The following SIN3B variants were observed in gnomAD, a reference collection of about 807,000 sequenced individuals.
SIN3B encodes paired amphipathic helix protein Sin3b.
In SIN3B, 19 loss-of-function variants were observed where a neutral mutation model predicts 120.2. The observed-to-expected ratio is 0.16, with a 90% CI of 0.11 to 0.23. SIN3B has a LOEUF of 0.23. SIN3B is among the 10% of genes least tolerant of loss of function. The probability of loss-of-function intolerance (pLI) is 1.00; values close to 1 mark genes in which losing one functional copy is unlikely to be tolerated. For missense variants in SIN3B, 1,073 were observed against 1,573.0 expected, an observed-to-expected ratio of 0.68 and a Z score of 5.38; for synonymous variants, 654 against 653.2, an observed-to-expected ratio of 1.00 and a Z score of -0.02.
chr19:16,830,119 G>C lies in SIN3B; in HGVS notation c.227+222G>C, dbSNP rs138307606. ...ATTCCTGGAAGCAGGACAGGGATCT[G>C]GGGGGAGGCAGGGAGGGCGAGGCCG... On this transcript the variant is annotated intron_variant, in intron 2 of 18. Coordinates refer to ENST00000248054, the MANE Select transcript of SIN3B (RefSeq NM_001297595.2). 4.5e-3 allele frequency among the ~76,000 whole-genome samples: 681 copies of C among 152,348 alleles called. 3 individuals are homozygous for C. Among genetic ancestry groups the C allele is most frequent in the Middle Eastern group, 0.017 (5 of 294 alleles).
chr19:16,869,130 C>T (rs1045856944), intron 12 of SIN3B, among the ~76,000 whole-genome samples: 1 of 152,136 alleles, frequency 6.6e-6, no homozygotes, highest in Non-Finnish European at 1.5e-5. Flanking sequence ...CTGGGCTGAG[C>T]GACAGACCCA....
intron 3 of SIN3B, among the ~76,000 whole-genome samples, chr19:16,839,042 C>T (rs1023543549): frequency 6.9e-5 from 9 of 130,860 alleles, no homozygotes; most frequent in Non-Finnish European, 1.1e-4. Context: ...GGTGCATTGT[C>T]GGCTCACCAC....
At position 16,841,971 on chromosome 19, in the gene SIN3B, A is replaced by G. The variant is rs375956848; in HGVS notation, c.582+3A>G. The stretch of plus-strand genomic sequence containing the variant: ...TGGAGATCCTGCACACGTACCAGGT[A>G]AGAACTCAGATTACAATTCCTTGTG... On this transcript the variant is annotated splice_donor_region_variant and intron_variant, in intron 4 of 18. Transcript: ENST00000248054. 1,022 of 1,611,446 alleles carry G rather than the reference A, an allele frequency of 6.3e-4. 2 individuals carry two copies. The highest frequency in any genetic ancestry group is 8.4e-4 in the Non-Finnish European group (984 of 1,177,914).
chr19:16,839,848 C>T (rs1178719550), intron 3 of SIN3B, among the ~76,000 whole-genome samples: 1 of 152,172 alleles, frequency 6.6e-6, no homozygotes, highest in Admixed American at 6.5e-5. Context: ...GAAACCCCAT[C>T]TCTACTAAAA....
chr19:16,854,138 T>C lies in SIN3B; in HGVS notation c.940-5T>C, dbSNP rs1425926470. On this transcript the variant is annotated splice_polypyrimidine_tract_variant and splice_region_variant and intron_variant, in intron 7 of 18. Transcript: ENST00000248054. ...CACAGTGGTCCCTGACTGCTCTCTC[T>C]GCAGGTCCGCCGGGTGCTGAAGAGC... 25 of 1,609,300 alleles carry C rather than the reference T, an allele frequency of 1.6e-5. No homozygotes were observed. The highest frequency in any genetic ancestry group is 2.1e-5 in the Non-Finnish European group (25 of 1,178,082).
chr19:16,834,587 A>G (rs1029862598), intron 3 of SIN3B, among the ~76,000 whole-genome samples: 2 of 152,186 alleles, frequency 1.3e-5, no homozygotes, highest in African/African-American at 4.8e-5. Context: ...GGCCTTGGTC[A>G]TCGTGCTGCA....
chr19:16,861,213 CA>C (rs1289374900), intron 8 of SIN3B, among the ~76,000 whole-genome samples: 1 of 152,142 alleles, frequency 6.6e-6, no homozygotes, highest in South Asian at 2.1e-4. Flanking sequence ...CAGAGATAGG[CA>C]AACTTGATCT....
At chr19:16,861,244 T>G (rs1971683659) in intron 8 of SIN3B, among the ~76,000 whole-genome samples, 1 of 152,216 alleles carries the variant, frequency 6.6e-6, no homozygotes, top group East Asian at 1.9e-4. Flanking sequence ...CAGATGGGCT[T>G]TGTGGAAATG....
At chr19:16,852,227 C>T (rs1439647164) in intron 6 of SIN3B, among the ~76,000 whole-genome samples, 6 of 152,176 alleles carry the variant, frequency 3.9e-5, no homozygotes, top group Admixed American at 2.6e-4. Flanking sequence ...CCCGGGTTCA[C>T]GCCATTGTCC....
In SIN3B at chr19:16,851,457, G is replaced by A; in HGVS notation, c.772G>A (p.Glu258Lys). ...CGAGATGCACAGCGTGCAGAAGAAC[G>A]AGCACGACAAGACCCCGGAGCACAG... ...PCEMHSVQKNEHDKTPEHSRK... is the reference protein window; with the variant it reads ...PCEMHSVQKNKHDKTPEHSRK... The change falls in exon 6 of 19, where the codon GAG becomes AAG. Residue 258 changes from glutamate (E) to lysine (K), a missense_variant. Coordinates refer to ENST00000248054, the MANE Select transcript of SIN3B (RefSeq NM_001297595.2). 2 of 1,610,002 alleles carry A rather than the reference G, an allele frequency of 1.2e-6. No individual in the cohort carries two copies. Among genetic ancestry groups the A allele is most frequent in the Non-Finnish European group, 1.7e-6 (2 of 1,178,406 alleles).
At chr19:16,851,293 G>A in intron 5 of SIN3B, 119 bp from the exon 6 acceptor site, 2 of 1,227,672 alleles carry the variant, frequency 1.6e-6, no homozygotes, top group South Asian at 1.7e-5. Context: ...ATCTGGCCTG[G>A]TGCCCGTGGC....
In SIN3B at chr19:16,851,408, T is replaced by C. The variant is rs748362098; in HGVS notation, c.727-4T>C. On this transcript the variant is annotated splice_polypyrimidine_tract_variant and splice_region_variant and intron_variant, in intron 5 of 18. Transcript: ENST00000248054. The stretch of plus-strand genomic sequence containing the variant: ...TGCTGACCACCTCCCACATGTGTCC[T>C]TAGTTCACAGGAAACGGGCCGTGCG... The C allele has an allele frequency of 1.9e-6, 3 of 1,594,608 alleles. No individual in the cohort carries two copies. In the Admixed American group the frequency reaches 5.2e-5, roughly 28 times the overall value.
At chr19:16,850,566 T>C (rs1971531490) in intron 5 of SIN3B, among the ~76,000 whole-genome samples, 3 of 152,142 alleles carry the variant, frequency 2.0e-5, no homozygotes, top group African/African-American at 7.2e-5. Flanking sequence ...CTTGTCCATC[T>C]CACCCACACT....
chr19:16,851,437 T>C lies in SIN3B; in HGVS notation c.752T>C (p.Met251Thr). The change falls in exon 6 of 19, where the codon ATG (methionine) becomes ACG (threonine). Residue 251 changes from methionine (M) to threonine (T), a missense_variant. Physicochemically the swap from Met to Thr is moderately conservative, Grantham distance 81. Coordinates refer to ENST00000248054, the MANE Select transcript of SIN3B (RefSeq NM_001297595.2). ...SLFTGNGPCE[M>T]HSVQKNEHDK... The stretch of plus-strand genomic sequence containing the variant: ...TTCACAGGAAACGGGCCGTGCGAGA[T>C]GCACAGCGTGCAGAAGAACGAGCAC... 6.2e-7 allele frequency: 1 copy of C among 1,607,116 alleles called. No homozygotes were observed. The highest frequency in any genetic ancestry group is 8.5e-7 in the Non-Finnish European group (1 of 1,177,002).
Position 16,878,814 on chromosome 19 carries a change from A to G in SIN3B, c.*87A>G, listed in dbSNP as rs1014086914. 3 of 1,163,594 alleles carry G rather than the reference A, an allele frequency of 2.6e-6. No homozygotes were observed. The Admixed American group carries it at 6.8e-5, about 26-fold the overall frequency. The allele number at this position is 1,163,594 out of a possible 1,614,324, so 72.1% of individuals were successfully genotyped here. ...CGTGTCGGGGCCGTTTTCTTGAACG[A>G]CGTGAGAGGCATCTCCCAGCCCCTC... On this transcript the variant is annotated 3_prime_UTR_variant, in exon 19 of 19. Coordinates refer to ENST00000248054, the MANE Select transcript of SIN3B (RefSeq NM_001297595.2).
intron 2 of SIN3B, 77 bp downstream of exon 2, chr19:16,829,974 C>T (rs1971258968): frequency 2.1e-6 from 2 of 934,976 alleles, no homozygotes; most frequent in Non-Finnish European, 1.7e-6. Flanking sequence ...GACCTCCCCT[C>T]TCCAGCCTGC....
intron 7 of SIN3B, among the ~76,000 whole-genome samples, 176 bp from the exon 8 acceptor site, chr19:16,853,967 G>A (rs936016774): frequency 2.0e-5 from 3 of 151,918 alleles, no homozygotes; most frequent in African/African-American, 7.3e-5. Flanking sequence ...TGCACAGGCC[G>A]TGAATTGGTG....
intron 3 of SIN3B, among the ~76,000 whole-genome samples, chr19:16,832,637 A>T (rs1971294628): frequency 1.3e-5 from 2 of 151,664 alleles, no homozygotes. Context: ...AGTAGCTAGG[A>T]CTACAGGCGT....
rs1028271424 is a variant in SIN3B at position 16,879,028 on chromosome 19, C to G, written c.*301C>G. 2 of 471,182 alleles carry G rather than the reference C, an allele frequency of 4.2e-6. No individual in the cohort carries two copies. Among genetic ancestry groups the G allele is most frequent in the Non-Finnish European group, 7.6e-6 (2 of 264,510 alleles). The allele number at this position is 471,182 out of a possible 1,614,324, so 29.2% of individuals were successfully genotyped here. ...TTGCGTCCCCGTCCGTCACATGTGC[C>G]AAATCCCTGGCAGGCAGATGGCTCC... On this transcript the variant is annotated 3_prime_UTR_variant, in exon 19 of 19. Coordinates refer to ENST00000248054, the MANE Select transcript of SIN3B (RefSeq NM_001297595.2).
Sources: allele counts gnomAD v4.1 joint callset (sites outside exome capture counted in the v4.1 genomes callset), GRCh38; gene constraint gnomAD v4.1.1; transcripts MANE v1.5; gene names NCBI Gene and HGNC (gene_info 2026-07-23, HGNC 2026-07-21).